PPP2R2C: variants seen among roughly 807,000 people sequenced by gnomAD.
The protein encoded by PPP2R2C is protein phosphatase 2 regulatory subunit Bgamma.
PPP2R2C carries 10 observed loss-of-function variants against 45.3 expected under a neutral mutation model. The ratio of observed to expected loss-of-function variants is 0.22; its 90% CI spans 0.14 to 0.37. The LOEUF is 0.37. Among genes scored for constraint, PPP2R2C ranks in the 10% least tolerant of loss-of-function variants. PPP2R2C has a pLI of 1.00. For missense variants in PPP2R2C, 308 were observed against 619.7 expected, an observed-to-expected ratio of 0.50 and a Z score of 5.34; for synonymous variants, 257 against 245.4, an observed-to-expected ratio of 1.05 and a Z score of -0.44.
At chr4:6,400,935 ATTTCAAGGG>A (rs2109349479) in intron 1 of PPP2R2C, among the ~76,000 whole-genome samples, 1 of 152,304 alleles carries the variant, frequency 6.6e-6, no homozygotes, top group South Asian at 2.1e-4. Flanking sequence ...GTTGAGGAAC[ATTTCAAGGG>A]GTAGAAGGGC....
intron 1 of PPP2R2C, among the ~76,000 whole-genome samples, chr4:6,402,253 C>T (rs1425834373): frequency 6.6e-6 from 1 of 152,210 alleles, no homozygotes; most frequent in Non-Finnish European, 1.5e-5. Context: ...CGCACCCACA[C>T]CCATCTGACT....
intron 1 of PPP2R2C, among the ~76,000 whole-genome samples, chr4:6,562,137 T>C (rs1725596393): frequency 6.6e-6 from 1 of 152,102 alleles, no homozygotes; most frequent in Non-Finnish European, 1.5e-5. Flanking sequence ...GAGCTGAGCA[T>C]GAGCAGGCGA....
At chr4:6,374,589 G>T (rs1416453939) in intron 4 of PPP2R2C, among the ~76,000 whole-genome samples, 1 of 152,202 alleles carries the variant, frequency 6.6e-6, no homozygotes, top group Non-Finnish European at 1.5e-5. Context: ...GGGTTTTATG[G>T]GATGTATGGG....
chr4:6,434,610 C>T (rs1430314898), intron 1 of PPP2R2C, among the ~76,000 whole-genome samples: 1 of 152,100 alleles, frequency 6.6e-6, no homozygotes, highest in Non-Finnish European at 1.5e-5. Flanking sequence ...CTGCCAATCT[C>T]GGCCTCCCAA....
At chr4:6,376,974 G>A (rs867085850) in intron 3 of PPP2R2C, among the ~76,000 whole-genome samples, 3 of 152,322 alleles carry the variant, frequency 2.0e-5, no homozygotes, top group African/African-American at 2.4e-5. Context: ...GGGGTGAACC[G>A]GAGTTAAGAG....
intron 1 of PPP2R2C, among the ~76,000 whole-genome samples, chr4:6,403,214 G>A (rs1717550849): frequency 6.6e-6 from 1 of 152,172 alleles, no homozygotes; most frequent in Non-Finnish European, 1.5e-5. Flanking sequence ...ATTAAGAAAA[G>A]GCAGGGCCCA....
intron 1 of PPP2R2C, among the ~76,000 whole-genome samples, chr4:6,397,982 A>G (rs1175102475): frequency 6.6e-6 from 1 of 152,246 alleles, no homozygotes; most frequent in African/African-American, 2.4e-5. Flanking sequence ...AGAATCCAGA[A>G]CTAGACCCAC....
chr4:6,477,958 C>G (rs1367419385), intron 2 of PPP2R2C, among the ~76,000 whole-genome samples: 2 of 152,052 alleles, frequency 1.3e-5, no homozygotes, highest in East Asian at 3.9e-4. Flanking sequence ...GGTCCGTGTT[C>G]CCCTTCCTGG....
At chr4:6,554,719 G>C (rs1725303499) in intron 1 of PPP2R2C, among the ~76,000 whole-genome samples, 1 of 151,934 alleles carries the variant, frequency 6.6e-6, no homozygotes, top group African/African-American at 2.4e-5. Flanking sequence ...AATCAGCCAG[G>C]CCTGGTGGTG....
intron 6 of PPP2R2C, 112 bp downstream of exon 6, chr4:6,347,734 G>T: frequency 7.2e-7 from 1 of 1,384,694 alleles, no homozygotes; most frequent in Non-Finnish European, 9.7e-7. Context: ...GGCCAGTCCA[G>T]GACATGCTCA....
intron 2 of PPP2R2C, among the ~76,000 whole-genome samples, chr4:6,512,727 G>A (rs562341433): frequency 9.2e-5 from 14 of 151,784 alleles, no homozygotes; most frequent in Non-Finnish European, 2.1e-4. Flanking sequence ...TTACAATGAT[G>A]CCAATGGTGG....
At chr4:6,384,633 T>G in intron 1 of PPP2R2C, 2 of 985,426 alleles carry the variant, frequency 2.0e-6, no homozygotes, top group Non-Finnish European at 2.4e-6. Context: ...AATGCCAATA[T>G]AACTATTGCT....
intron 1 of PPP2R2C, among the ~76,000 whole-genome samples, chr4:6,466,566 G>C (rs190024406): frequency 3.9e-5 from 6 of 152,206 alleles, no homozygotes; most frequent in African/African-American, 1.4e-4. Flanking sequence ...AAATACCCCA[G>C]TTGCTGAGAG....
At chr4:6,419,030 G>A (rs1348505256) in intron 1 of PPP2R2C, among the ~76,000 whole-genome samples, 1 of 152,194 alleles carries the variant, frequency 6.6e-6, no homozygotes, top group African/African-American at 2.4e-5. Context: ...CTTCGCATGC[G>A]GTGAGGGTTC....
rs1282017008 is a variant in PPP2R2C, at chr4:6,337,108, GTGTGTATA to G, written c.791-3385_791-3378del. 2.4e-3 allele frequency among the ~76,000 whole-genome samples: 79 copies of G among 33,242 alleles called. 5 individuals are homozygous for G. Among genetic ancestry groups the G allele is most frequent in the Admixed American group, 6.1e-3 (16 of 2,644 alleles). 21.8% of individuals were successfully genotyped at this position (33,242 alleles called of 152,430 possible). ...TTGGCATCTTTGTTTCTGTATGTGT[GTGTGTATA>G]TATATATATATATATATATATATAT... On this transcript the variant is annotated intron_variant, in intron 6 of 8. Coordinates refer to ENST00000382599, the MANE Select transcript of PPP2R2C (RefSeq NM_020416.4).
chr4:6,370,983 C>T (rs943584367), intron 5 of PPP2R2C, among the ~76,000 whole-genome samples: 4 of 152,206 alleles, frequency 2.6e-5, no homozygotes, highest in Admixed American at 6.5e-5. Context: ...TCTGGGCACT[C>T]CATGCCTTTG....
At position 6,332,114 on chromosome 4, in the gene PPP2R2C, A is replaced by G. The variant is rs1450421911; in HGVS notation, c.960+1448T>C. On this transcript the variant is annotated intron_variant, in intron 7 of 8. Transcript: ENST00000382599. The surrounding 1 kb of genome is among the most constrained non-coding windows in gnomAD (Gnocchi z 4.9). ...CCCCTCCCCCTGAAAATGCTCATAG[A>G]ACACATTCCACGTAGTTTCAGGGGT... is the stretch of plus-strand genomic sequence containing the variant. Among the ~76,000 whole-genome samples the G allele has an allele frequency of 6.6e-6, 1 of 152,160 alleles. No homozygotes were observed. Among genetic ancestry groups the G allele is most frequent in the Non-Finnish European group, 1.5e-5 (1 of 68,024 alleles).
intron 5 of PPP2R2C, among the ~76,000 whole-genome samples, chr4:6,363,557 C>T (rs73206113): frequency 0.31 from 47,026 of 150,594 alleles, 9,200 homozygotes; most frequent in Non-Finnish European, 0.41. Context: ...TCAGCCTGGG[C>T]GACACAGTGA....
At chr4:6,562,168 G>C (rs143288721) in intron 1 of PPP2R2C, among the ~76,000 whole-genome samples, 21 of 152,270 alleles carry the variant, frequency 1.4e-4, no homozygotes, top group Middle Eastern at 3.4e-3. Context: ...GTCAGAGTGC[G>C]GGGGACAATG....
Sources: gnomAD v4.1 joint callset for allele counts (sites outside exome capture counted in the v4.1 genomes callset) on GRCh38, gnomAD v4.1.1 for gene constraint, Gnocchi (gnomAD v3.1) non-coding constraint, MANE v1.5 for transcripts, NCBI Gene and HGNC (gene_info 2026-07-23, HGNC 2026-07-21) for gene names.